Variants in FOXP1 observed in about 807,000 individuals in gnomAD.
The protein encoded by FOXP1 is forkhead box protein P1.
Under a neutral mutation model 98.2 loss-of-function variants are expected in FOXP1, and 15 were observed. That is an observed-to-expected ratio of 0.15 (90% CI 0.10 to 0.24). FOXP1 has a LOEUF of 0.24. Among genes scored for constraint, FOXP1 ranks in the 10% least tolerant of loss-of-function variants. The pLI is 1.00. For missense variants in FOXP1, 633 were observed against 848.5 expected (o/e 0.75, Z 3.15); for synonymous variants, 371 against 314.5 (o/e 1.18, Z -1.90).
chr3:70,993,045 TAATA>T (rs1338541737), intron 13 of FOXP1, among the ~76,000 whole-genome samples: 1 of 152,162 alleles, frequency 6.6e-6, no homozygotes, highest in Non-Finnish European at 1.5e-5. Flanking sequence ...ACATTACAGA[TAATA>T]AATTTGCTAA....
chr3:71,076,989 T>C (rs181524591), intron 7 of FOXP1, among the ~76,000 whole-genome samples: 96 of 152,346 alleles, frequency 6.3e-4, no homozygotes, highest in African/African-American at 2.1e-3. Flanking sequence ...CACACAGGGA[T>C]TGGAAACACA....
At chr3:71,352,938 T>A (rs1328936966) in intron 4 of FOXP1, among the ~76,000 whole-genome samples, 6 of 152,126 alleles carry the variant, frequency 3.9e-5, no homozygotes, top group African/African-American at 1.4e-4. Context: ...AGGAGTAGAA[T>A]CCCAAAGAAA....
At chr3:71,034,201 C>T (rs1268298977) in intron 11 of FOXP1, among the ~76,000 whole-genome samples, 1 of 152,148 alleles carries the variant, frequency 6.6e-6, no homozygotes, top group African/African-American at 2.4e-5. Flanking sequence ...TTCTAAATTA[C>T]TGCTGAAAAG....
intron 5 of FOXP1, among the ~76,000 whole-genome samples, chr3:71,211,995 A>G (rs931771928): frequency 6.6e-6 from 1 of 152,204 alleles, no homozygotes; most frequent in African/African-American, 2.4e-5. Context: ...ATGTTATAAA[A>G]CCTAACCAAT....
chr3:70,976,566 C>A (rs547463870), intron 17 of FOXP1, among the ~76,000 whole-genome samples: 2 of 152,108 alleles, frequency 1.3e-5, no homozygotes, highest in African/African-American at 4.8e-5. Context: ...GGAGATAGAT[C>A]GCTGGAGATA....
chr3:71,336,085 AAAG>A lies in FOXP1; in HGVS notation c.-73+23062_-73+23064del, dbSNP rs561006714. The stretch of plus-strand genomic sequence containing the variant: ...GAAACATTCTGTCATAGCAGGGAGC[AAAG>A]AAGCTATGAAAGACCGTAGGGTCAT... On this transcript the variant is annotated intron_variant, in intron 4 of 20. Coordinates refer to ENST00000649528, the MANE Select transcript of FOXP1 (RefSeq NM_001349338.3). 4.1e-3 allele frequency among the ~76,000 whole-genome samples: 624 copies of A among 151,266 alleles called. 8 individuals carry two copies. Among genetic ancestry groups the A allele is most frequent in the African/African-American group, 0.014 (594 of 41,158 alleles).
intron 6 of FOXP1, among the ~76,000 whole-genome samples, chr3:71,142,694 G>A (rs937579377): frequency 2.0e-5 from 3 of 152,128 alleles, no homozygotes; most frequent in African/African-American, 4.8e-5. Context: ...ATTCTTTCCC[G>A]GAGCCTCTTG....
chr3:71,358,414 C>T (rs1437434247), intron 4 of FOXP1, among the ~76,000 whole-genome samples: 2 of 152,062 alleles, frequency 1.3e-5, no homozygotes, highest in Non-Finnish European at 2.9e-5. Context: ...CATGAAAGCC[C>T]AATGTGATTA....
chr3:71,226,283 C>T (rs146518267), intron 5 of FOXP1, among the ~76,000 whole-genome samples: 9 of 152,282 alleles, frequency 5.9e-5, no homozygotes, highest in African/African-American at 2.2e-4. Context: ...GAAATGGTAA[C>T]AATCTTGGGC....
chr3:71,182,674 C>A (rs1424310660), intron 6 of FOXP1, among the ~76,000 whole-genome samples: 1 of 151,570 alleles, frequency 6.6e-6, no homozygotes, highest in East Asian at 1.9e-4. Flanking sequence ...GGACTACAGG[C>A]AAGTGCCGCC....
At chr3:71,303,647 T>C (rs1053670046) in intron 4 of FOXP1, among the ~76,000 whole-genome samples, 1 of 152,216 alleles carries the variant, frequency 6.6e-6, no homozygotes, top group Non-Finnish European at 1.5e-5. Flanking sequence ...GTCACTTTAT[T>C]TTCTATAGTG....
intron 7 of FOXP1, among the ~76,000 whole-genome samples, chr3:71,087,828 C>T (rs2055298290): frequency 1.3e-5 from 2 of 152,110 alleles, no homozygotes; most frequent in Non-Finnish European, 1.5e-5. Flanking sequence ...AATTACTGTA[C>T]ATGTGAAATC....
chr3:71,121,521 G>GGGCC (rs2058772463), intron 6 of FOXP1, among the ~76,000 whole-genome samples: 1 of 151,390 alleles, frequency 6.6e-6, no homozygotes, highest in South Asian at 2.1e-4. Context: ...CATTAACATA[G>GGGCC]GGCCCTATAA....
chr3:71,092,206 A>G (rs2055940947), intron 7 of FOXP1, among the ~76,000 whole-genome samples: 1 of 150,928 alleles, frequency 6.6e-6, no homozygotes, highest in Non-Finnish European at 1.5e-5. Context: ...AAAACAAAAA[A>G]CAAAAAAAAA....
intron 5 of FOXP1, among the ~76,000 whole-genome samples, chr3:71,251,962 C>A (rs1367568054): frequency 2.0e-5 from 3 of 152,146 alleles, no homozygotes; most frequent in African/African-American, 7.2e-5. Context: ...ACCTCCTACT[C>A]CCCAAGCTGA....
chr3:71,067,693 C>A (rs916576134), intron 7 of FOXP1, among the ~76,000 whole-genome samples: 1 of 147,856 alleles, frequency 6.8e-6, no homozygotes, highest in African/African-American at 2.5e-5. Flanking sequence ...AGGTTTGAGA[C>A]CACCCTGGGC....
intron 5 of FOXP1, among the ~76,000 whole-genome samples, chr3:71,296,758 G>T (rs1216764101): frequency 6.6e-6 from 1 of 152,194 alleles, no homozygotes; most frequent in Non-Finnish European, 1.5e-5. Context: ...AAGGTGTTTG[G>T]ATCATGGGGG....
chr3:71,139,590 C>T (rs1439488585), intron 6 of FOXP1, among the ~76,000 whole-genome samples: 3 of 147,846 alleles, frequency 2.0e-5, no homozygotes, highest in Non-Finnish European at 2.9e-5. Flanking sequence ...CGACTTTGAA[C>T]AACTTTGGAT....
At chr3:71,505,758 C>T (rs1258184159) in intron 2 of FOXP1, among the ~76,000 whole-genome samples, 1 of 152,148 alleles carries the variant, frequency 6.6e-6, no homozygotes, top group African/African-American at 2.4e-5. Context: ...TTCTCTCGGT[C>T]TCCCTTCAAT....
Sources: gnomAD v4.1 joint callset for allele counts (sites outside exome capture counted in the v4.1 genomes callset) on GRCh38, gnomAD v4.1.1 for gene constraint, MANE v1.5 for transcripts, NCBI Gene and HGNC (gene_info 2026-07-23, HGNC 2026-07-21) for gene names.